KNTC1: variants seen among roughly 807,000 people sequenced by gnomAD.
KNTC1 encodes the protein kinetochore associated 1.
KNTC1 carries 253 observed loss-of-function variants against 314.4 expected under a neutral mutation model. The observed-to-expected ratio is 0.80, with a 90% CI of 0.73 to 0.89. The LOEUF (loss-of-function observed/expected upper bound fraction) is 0.89. Ranked by LOEUF, KNTC1 falls within the 40% of genes least tolerant of loss-of-function variation. KNTC1 has a pLI of 0.00. For missense variants in KNTC1, 2,475 were observed against 2,572.9 expected (o/e 0.96, Z 0.82); for synonymous variants, 901 against 901.4 (o/e 1.00, Z 0.01).
At chr12:122,527,939 T>C (rs920237831) in intron 1 of KNTC1, among the ~76,000 whole-genome samples, 3 of 152,216 alleles carry the variant, frequency 2.0e-5, no homozygotes, top group Non-Finnish European at 4.4e-5. Context: ...TTCAAATCAT[T>C]TAGCACTTTT....
At chr12:122,581,937 C>G (rs1461944132) in intron 33 of KNTC1, among the ~76,000 whole-genome samples, 1 of 152,172 alleles carries the variant, frequency 6.6e-6, no homozygotes, top group Admixed American at 6.6e-5. Flanking sequence ...TGAGCAGAAA[C>G]TCCGTAGCCA....
intron 42 of KNTC1, 82 bp from the exon 43 acceptor site, chr12:122,594,194 G>T: frequency 1.3e-6 from 1 of 768,926 alleles, no homozygotes; most frequent in South Asian, 1.5e-5. Context: ...ATACTAAGAA[G>T]GCAAGTCATG....
intron 48 of KNTC1, among the ~76,000 whole-genome samples, chr12:122,604,003 G>A (rs1399639336): frequency 6.6e-6 from 1 of 152,082 alleles, no homozygotes; most frequent in African/African-American, 2.4e-5. Flanking sequence ...GATATGAAGT[G>A]AGAACAGCAA....
chr12:122,533,170 CT>C (rs1177191171), intron 2 of KNTC1, among the ~76,000 whole-genome samples: 356 of 143,336 alleles, frequency 2.5e-3, no homozygotes, highest in Middle Eastern at 3.6e-3. Context: ...CGTTCCTTTT[CT>C]TTTTTTTTTT....
chr12:122,570,865 A>G lies in KNTC1; in HGVS notation c.1861-11A>G. On this transcript the variant is annotated splice_polypyrimidine_tract_variant and intron_variant, in intron 22 of 63. Coordinates refer to ENST00000333479, the MANE Select transcript of KNTC1 (RefSeq NM_014708.6). ...CCATTAAGAATTTCATTTTTAAATAATCTATTTCAGATAATTCTTGCAAAA... is the reference window on the plus strand; with the variant it reads ...CCATTAAGAATTTCATTTTTAAATAGTCTATTTCAGATAATTCTTGCAAAA... 3 of 1,513,300 alleles carry G rather than the reference A, an allele frequency of 2.0e-6. No individual in the cohort carries two copies. The highest frequency in any genetic ancestry group is 2.4e-5 in the South Asian group (2 of 82,778). 93.7% of individuals were successfully genotyped at this position (1,513,300 alleles called of 1,614,324 possible).
At chr12:122,578,140 A>G (rs1353866163) in intron 31 of KNTC1, among the ~76,000 whole-genome samples, 1 of 152,252 alleles carries the variant, frequency 6.6e-6, no homozygotes, top group Non-Finnish European at 1.5e-5. Context: ...TACAAAACCA[A>G]TATAAATCTA....
intron 51 of KNTC1, chr12:122,609,104 C>G (rs912886357): frequency 5.4e-6 from 2 of 368,452 alleles, no homozygotes; most frequent in Non-Finnish European, 9.6e-6. Context: ...CATGTCAGCT[C>G]CAGGAGGACA....
chr12:122,614,300 C>T (rs1873516189), intron 55 of KNTC1, among the ~76,000 whole-genome samples: 1 of 152,186 alleles, frequency 6.6e-6, no homozygotes, highest in African/African-American at 2.4e-5. Flanking sequence ...TTTATAATCT[C>T]TTCCACGGCT....
intron 37 of KNTC1, 134 bp downstream of exon 37, chr12:122,585,908 G>T: frequency 1.3e-6 from 1 of 755,866 alleles, no homozygotes; most frequent in Non-Finnish European, 2.2e-6. Context: ...TAAAGAAGCA[G>T]ATACAAAAGA....
At chr12:122,590,300 G>A (rs1870001265) in intron 40 of KNTC1, among the ~76,000 whole-genome samples, 1 of 151,912 alleles carries the variant, frequency 6.6e-6, no homozygotes, top group South Asian at 2.1e-4. Context: ...ATATTTCAGT[G>A]CCCTATAGAA....
At position 122,546,189 on chromosome 12, in the gene KNTC1, G is replaced by A. The variant is rs746479828; in HGVS notation, c.683G>A (p.Cys228Tyr). 3 of 1,606,362 alleles carry A rather than the reference G, an allele frequency of 1.9e-6. No homozygotes were observed. The highest frequency in any genetic ancestry group is 1.6e-4 in the Middle Eastern group (1 of 6,066). The change falls in exon 9 of 64, where the codon TGT (cysteine) becomes TAT (tyrosine). Residue 228 changes from cysteine to tyrosine, a missense_variant. Physicochemically the swap from Cys to Tyr is radical, Grantham distance 194 (BLOSUM62 -2). Transcript: ENST00000333479. ...VPVIIGGTGNCAFSKWEPDSS... is the reference protein window; with the variant it reads ...VPVIIGGTGNYAFSKWEPDSS... ...TCATTTTTCCAGGGAACCGGTAATT[G>A]TGCATTCTCAAAATGGGAACCAGAT...
At chr12:122,568,218 AT>A (rs1565965308) in intron 20 of KNTC1, 42 bp from the exon 21 acceptor site, 12 of 950,946 alleles carry the variant, frequency 1.3e-5, no homozygotes, top group South Asian at 2.9e-5. Flanking sequence ...TATAACCTTA[AT>A]TTTTTTTAAA....
At chr12:122,618,664 TTTGTTG>T (rs370451982) in intron 59 of KNTC1, 119 bp downstream of exon 59, 1 of 790,148 alleles carries the variant, frequency 1.3e-6, no homozygotes, top group Non-Finnish European at 2.1e-6. Context: ...ATAACACGTG[TTTGTTG>T]TTGTTGTTGT....
chr12:122,554,071 AAAAAAATATATAT>A (rs1460337046), intron 16 of KNTC1, among the ~76,000 whole-genome samples: 952 of 78,948 alleles, frequency 0.012, 16 homozygotes, highest in African/African-American at 0.044. Context: ...CCTTAAAAAA[AAAAAAATATATAT>A]ATATATATAT....
chr12:122,548,027 G>A, intron 12 of KNTC1, 58 bp downstream of exon 12: 2 of 1,038,864 alleles, frequency 1.9e-6, no homozygotes, highest in Non-Finnish European at 2.8e-6. Flanking sequence ...AAGCATTAGT[G>A]AATACAAAAG....
At chr12:122,590,343 C>G (rs1392236) in intron 40 of KNTC1, among the ~76,000 whole-genome samples, 119,046 of 152,018 alleles carry the variant, frequency 0.78, 47,079 homozygotes, top group African/African-American at 0.88. Flanking sequence ...TTCAGATAGT[C>G]ATAAAGGACA....
intron 3 of KNTC1, among the ~76,000 whole-genome samples, chr12:122,537,819 A>G (rs902763861): frequency 2.6e-5 from 4 of 152,128 alleles, no homozygotes; most frequent in African/African-American, 7.2e-5. Context: ...AAAGTTTACC[A>G]TATAGTAAGT....
chr12:122,573,647 AT>A (rs2137927078), intron 26 of KNTC1, among the ~76,000 whole-genome samples: 1 of 152,330 alleles, frequency 6.6e-6, no homozygotes, highest in African/African-American at 2.4e-5. Context: ...ATCAGTCAGC[AT>A]ATGTAAGAAG....
chr12:122,617,574 C>G, intron 57 of KNTC1: 1 of 204,144 alleles, frequency 4.9e-6, no homozygotes, highest in South Asian at 6.7e-5. Flanking sequence ...TGTCCCCTTC[C>G]TTCTTTCCTG....
Sources: gnomAD v4.1 joint callset for allele counts (sites outside exome capture counted in the v4.1 genomes callset) on GRCh38, gnomAD v4.1.1 for gene constraint, MANE v1.5 for transcripts, NCBI Gene and HGNC (gene_info 2026-07-23, HGNC 2026-07-21) for gene names.